The following MGAM2 variants were observed in gnomAD, a reference collection of about 807,000 sequenced individuals.
MGAM2 encodes probable maltase-glucoamylase 2.
A neutral mutation model predicts 96.1 loss-of-function variants in MGAM2; 98 were observed. That is an observed-to-expected ratio of 1.02 (90% CI 0.87 to 1.21). The LOEUF is 1.21. Ranked by LOEUF, MGAM2 falls within the 50% of genes most tolerant of loss-of-function variation. The pLI, the probability that MGAM2 is intolerant of heterozygous loss-of-function variation, is 0.00. For synonymous variants in MGAM2, 749 were observed against 414.8 expected (o/e 1.81, Z -9.79); for missense variants, 2,055 against 1,182.4 (o/e 1.74, Z -10.82).
At chr7:142,205,905 A>T (rs1195649901) in intron 45 of MGAM2, among the ~76,000 whole-genome samples, 1 of 152,044 alleles carries the variant, frequency 6.6e-6, no homozygotes, top group African/African-American at 2.4e-5. Context: ...TTCTTCTAAG[A>T]GTTTTATAGT....
chr7:142,136,989 C>T (rs1795078738), intron 8 of MGAM2, among the ~76,000 whole-genome samples: 1 of 152,150 alleles, frequency 6.6e-6, no homozygotes, highest in African/African-American at 2.4e-5. Flanking sequence ...GTTTTGTAGG[C>T]TGTTTCTCAC....
rs1797028435 is a variant in MGAM2 at position 142,196,196 on chromosome 7, C to T, written c.4389C>T (p.Thr1463=). ...CAGGACAGCGAGGGGTCATCATCAC[C>T]CGCTCCACATTTCCCTCTTCTGGAC... ...EVTGQRGVII[T]RSTFPSSGRW... Residue 1463 remains threonine (T), a synonymous_variant, in exon 38 of 48, where the codon ACC becomes ACT. Coordinates refer to ENST00000477922, the MANE Select transcript of MGAM2 (RefSeq NM_001293626.2). 1 of 1,197,756 alleles carries T rather than the reference C, an allele frequency of 8.3e-7. No homozygotes were observed. Among genetic ancestry groups the T allele is most frequent in the East Asian group, 2.5e-5 (1 of 39,578 alleles). 74.2% of individuals were successfully genotyped at this position (1,197,756 alleles called of 1,614,324 possible).
At chr7:142,175,992 AGAT>A (rs1796362952) in intron 32 of MGAM2, among the ~76,000 whole-genome samples, 1 of 152,070 alleles carries the variant, frequency 6.6e-6, no homozygotes, top group Admixed American at 6.6e-5. Flanking sequence ...GGCTTTTAAA[AGAT>A]GATACTTTAT....
At chr7:142,190,892 T>C (rs1796848096) in intron 37 of MGAM2, among the ~76,000 whole-genome samples, 1 of 152,044 alleles carries the variant, frequency 6.6e-6, no homozygotes, top group African/African-American at 2.4e-5. Flanking sequence ...CTCAGTACTT[T>C]GGGAGGCCGA....
intron 45 of MGAM2, among the ~76,000 whole-genome samples, chr7:142,204,343 T>C (rs1041730566): frequency 6.6e-6 from 1 of 152,022 alleles, no homozygotes; most frequent in Non-Finnish European, 1.5e-5. Flanking sequence ...TCAAATGGTT[T>C]TATTTTCTAT....
intron 46 of MGAM2, among the ~76,000 whole-genome samples, chr7:142,210,158 T>C (rs1797532376): frequency 6.6e-6 from 1 of 152,166 alleles, no homozygotes; most frequent in Non-Finnish European, 1.5e-5. Context: ...CAGTGCTATC[T>C]GGCCCAGATA....
At chr7:142,163,584 G>A (rs557897538) in intron 23 of MGAM2, among the ~76,000 whole-genome samples, 154 of 152,248 alleles carry the variant, frequency 1.0e-3, no homozygotes, top group Non-Finnish European at 1.6e-3. Context: ...CTGGCCATAA[G>A]TTTTTATTTC....
chr7:142,202,891 A>G (rs531515397), intron 45 of MGAM2, among the ~76,000 whole-genome samples: 1 of 152,326 alleles, frequency 6.6e-6, no homozygotes, highest in African/African-American at 2.4e-5. Context: ...ATAAATCTCC[A>G]GACTACTTTC....
intron 14 of MGAM2, 135 bp downstream of exon 14, chr7:142,145,080 C>G (rs142503405): frequency 3.4e-6 from 2 of 590,200 alleles, no homozygotes; most frequent in Non-Finnish European, 6.0e-6. Flanking sequence ...ACTCCTCTGC[C>G]GAAGTCTCTG....
intron 20 of MGAM2, among the ~76,000 whole-genome samples, chr7:142,159,615 G>C (rs1405283992): frequency 6.6e-6 from 1 of 152,112 alleles, no homozygotes; most frequent in Non-Finnish European, 1.5e-5. Context: ...TTCCGTGTCT[G>C]GTGAAGGCCC....
rs1470353412 is a variant in MGAM2 at position 142,148,226 on chromosome 7, T to G, written c.1634+653T>G. On this transcript the variant is annotated intron_variant, in intron 15 of 47. Coordinates refer to ENST00000477922, the MANE Select transcript of MGAM2 (RefSeq NM_001293626.2). This position sits in a 1 kb window ranked among gnomAD's most constrained non-coding sequence, Gnocchi z 4.2. ...TCACCACCACCATCACTACCACTAC[T>G]ATCACCATCACCACCACCACAGTTA... 6.7e-6 allele frequency among the ~76,000 whole-genome samples: 1 copy of G among 150,046 alleles called. No homozygotes were observed. Among genetic ancestry groups the G allele is most frequent in the African/African-American group, 2.5e-5 (1 of 40,590 alleles).
chr7:142,144,073 A>G (rs1795315137), intron 13 of MGAM2, 191 bp downstream of exon 13: 1 of 397,396 alleles, frequency 2.5e-6, no homozygotes, highest in East Asian at 3.7e-5. Context: ...TTAGGTTCTT[A>G]TCCTGCATCT....
At chr7:142,205,969 G>T (rs995255662) in intron 45 of MGAM2, among the ~76,000 whole-genome samples, 1 of 152,056 alleles carries the variant, frequency 6.6e-6, no homozygotes, top group Non-Finnish European at 1.5e-5. Context: ...TTTGTGTATG[G>T]TGTGAGGCAG....
intron 3 of MGAM2, among the ~76,000 whole-genome samples, chr7:142,128,197 A>G (rs1794782195): frequency 6.6e-6 from 1 of 152,300 alleles, no homozygotes; most frequent in South Asian, 2.1e-4. Context: ...TGGCAGAAGA[A>G]ATTTGTAAGC....
intron 46 of MGAM2, 36 bp from the exon 47 acceptor site, chr7:142,218,325 G>C: frequency 1.6e-6 from 1 of 634,924 alleles, no homozygotes; most frequent in South Asian, 2.0e-5. Flanking sequence ...TCAACAATAT[G>C]TTATGTATTC....
At chr7:142,207,116 G>A (rs1052502061) in intron 45 of MGAM2, among the ~76,000 whole-genome samples, 1 of 152,164 alleles carries the variant, frequency 6.6e-6, no homozygotes, top group African/African-American at 2.4e-5. Flanking sequence ...GTTGAGAAGG[G>A]CCAAGAACAG....
At position 142,172,778 on chromosome 7, in the gene MGAM2, C is replaced by T. The variant is rs1164203474; in HGVS notation, c.3561+14C>T. On this transcript the variant is annotated intron_variant, in intron 30 of 47. Transcript: ENST00000477922. ...CAATACACAGAGGTTAGAAGCCATT[C>T]TGTCCATCAATATATTGTCAAATAT... 1 of 693,212 alleles carries T rather than the reference C, an allele frequency of 1.4e-6. No homozygotes were observed. Among genetic ancestry groups the T allele is most frequent in the Admixed American group, 2.1e-5 (1 of 47,550 alleles). 42.9% of individuals were successfully genotyped at this position (693,212 alleles called of 1,614,324 possible).
At chr7:142,186,906 G>A (rs902496892) in intron 35 of MGAM2, among the ~76,000 whole-genome samples, 3 of 151,980 alleles carry the variant, frequency 2.0e-5, no homozygotes, top group African/African-American at 7.2e-5. Context: ...TCAGACAGTG[G>A]AGAGTTGTGG....
intron 3 of MGAM2, among the ~76,000 whole-genome samples, chr7:142,123,756 G>C (rs1794653285): frequency 6.6e-6 from 1 of 151,988 alleles, no homozygotes; most frequent in Non-Finnish European, 1.5e-5. Context: ...ATGACAAATA[G>C]CTCACAATTT....
Sources: allele counts gnomAD v4.1 joint callset (sites outside exome capture counted in the v4.1 genomes callset), GRCh38; gene constraint gnomAD v4.1.1; non-coding constraint Gnocchi (gnomAD v3.1); transcripts MANE v1.5; gene names NCBI Gene and HGNC (gene_info 2026-07-23, HGNC 2026-07-21).